Variants in AGAP1 observed in about 807,000 individuals in gnomAD.
AGAP1 encodes ArfGAP with GTPase domain, ankyrin repeat and PH domain 1.
AGAP1 carries 29 observed loss-of-function variants against 105.3 expected under a neutral mutation model. The observed-to-expected ratio is 0.28, with a 90% confidence interval of 0.21 to 0.38. AGAP1 has a LOEUF of 0.38. Among genes scored for constraint, AGAP1 ranks in the 10% least tolerant of loss-of-function variants. AGAP1 has a pLI of 1.00. For missense variants in AGAP1, 998 were observed against 1,165.1 expected (o/e 0.86, Z 2.09); for synonymous variants, 509 against 485.9 (o/e 1.05, Z -0.63).
At chr2:235,832,777 G>A (rs1354170569) in intron 9 of AGAP1, among the ~76,000 whole-genome samples, 1 of 152,194 alleles carries the variant, frequency 6.6e-6, no homozygotes, top group Admixed American at 6.5e-5. Context: ...GGAGTGAAGG[G>A]ATGTTCAAAC....
intron 6 of AGAP1, among the ~76,000 whole-genome samples, chr2:235,768,838 C>G (rs895622701): frequency 1.3e-5 from 2 of 152,142 alleles, no homozygotes; most frequent in Non-Finnish European, 2.9e-5. Context: ...GGGCCAGGCC[C>G]CAGTTTGGCC....
chr2:235,524,505 A>G, intron 1 of AGAP1: 1 of 346,100 alleles, frequency 2.9e-6, no homozygotes, highest in Non-Finnish European at 6.1e-6. Flanking sequence ...TTGCTGTGAG[A>G]AGACAGGCCA....
Position 235,728,114 on chromosome 2 carries a change from A to G in AGAP1, c.310+10470A>G, listed in dbSNP as rs10206889. Among the ~76,000 whole-genome samples, 330 of 152,294 alleles carry G rather than the reference A, an allele frequency of 2.2e-3. 1 individual carries two copies. Among genetic ancestry groups the G allele is most frequent in the African/African-American group, 7.7e-3 (322 of 41,568 alleles). ...CACTTCTCTGCCCATGGCAAATTCC[A>G]AGGGCCAGGACGATGGAGACAAGGG... On this transcript the variant is annotated intron_variant, in intron 3 of 17. Transcript: ENST00000304032. The surrounding 1 kb of genome is among the most constrained non-coding windows in gnomAD (Gnocchi z 4.3).
chr2:235,554,417 C>T (rs751648217), intron 1 of AGAP1, among the ~76,000 whole-genome samples: 13 of 152,186 alleles, frequency 8.5e-5, no homozygotes, highest in Non-Finnish European at 1.8e-4. Flanking sequence ...TGTGCCCGGG[C>T]ATTGATTTCC....
At chr2:235,873,764 G>A (rs2049561987) in intron 9 of AGAP1, among the ~76,000 whole-genome samples, 1 of 152,198 alleles carries the variant, frequency 6.6e-6, no homozygotes, top group African/African-American at 2.4e-5. Context: ...GTCTTACTTT[G>A]TCACCCAGAC....
Position 235,789,113 on chromosome 2 carries a change from C to T in AGAP1, c.674-8646C>T, listed in dbSNP as rs1419687159. 6.6e-6 allele frequency among the ~76,000 whole-genome samples: 1 copy of T among 152,212 alleles called. No homozygotes were observed. Among genetic ancestry groups the T allele is most frequent in the East Asian group, 1.9e-4 (1 of 5,190 alleles). The stretch of plus-strand genomic sequence containing the variant: ...CAGCGTGATTTGAAGTCCCCTTTAC[C>T]ACAAATAACTACTTTATACCAGAAT... On this transcript the variant is annotated intron_variant, in intron 6 of 17. Coordinates refer to ENST00000304032, the MANE Select transcript of AGAP1 (RefSeq NM_001037131.3). This position sits in a 1 kb window ranked among gnomAD's most constrained non-coding sequence, Gnocchi z 4.2.
intron 6 of AGAP1, among the ~76,000 whole-genome samples, chr2:235,766,001 G>C (rs1421906294): frequency 2.0e-5 from 3 of 152,128 alleles, no homozygotes; most frequent in Non-Finnish European, 4.4e-5. Context: ...TTGTCAGATA[G>C]AGTGTTTAGT....
chr2:235,661,448 G>A (rs1222561995), intron 1 of AGAP1, among the ~76,000 whole-genome samples: 1 of 151,876 alleles, frequency 6.6e-6, no homozygotes, highest in Non-Finnish European at 1.5e-5. Flanking sequence ...AGTCATGGCT[G>A]GAGGCCATCC....
intron 6 of AGAP1, among the ~76,000 whole-genome samples, chr2:235,757,729 G>A (rs542995373): frequency 2.0e-5 from 3 of 152,230 alleles, no homozygotes; most frequent in Admixed American, 6.5e-5. Context: ...AGGGAGCCTC[G>A]GTGTGCTCTT....
intron 1 of AGAP1, among the ~76,000 whole-genome samples, chr2:235,560,053 G>A (rs1188146526): frequency 6.6e-6 from 1 of 151,930 alleles, no homozygotes; most frequent in Non-Finnish European, 1.5e-5. Flanking sequence ...TTAAGAAATC[G>A]CTGCCTAATC....
At chr2:235,666,995 C>T (rs975982926) in intron 1 of AGAP1, among the ~76,000 whole-genome samples, 2 of 152,102 alleles carry the variant, frequency 1.3e-5, no homozygotes, top group Non-Finnish European at 2.9e-5. Context: ...TATCTTTCCA[C>T]GTTGCTGTTT....
Position 235,692,442 on chromosome 2 carries a change from C to A in AGAP1, c.164-16737C>A, listed in dbSNP as rs1949778578. 6.6e-6 allele frequency among the ~76,000 whole-genome samples: 1 copy of A among 152,162 alleles called. No individual in the cohort carries two copies. The highest frequency in any genetic ancestry group is 2.4e-5 in the African/African-American group (1 of 41,424). ...GAGGGGCACCAGCTAGAAAATGTGA[C>A]CCATGTTGCCAACTCCCAAAAGCCA... On this transcript the variant is annotated intron_variant, in intron 1 of 17. Transcript: ENST00000304032. This position sits in a 1 kb window ranked among gnomAD's most constrained non-coding sequence, Gnocchi z 5.8.
intron 6 of AGAP1, among the ~76,000 whole-genome samples, chr2:235,786,298 A>G (rs73996383): frequency 0.018 from 2,771 of 152,310 alleles, 75 homozygotes; most frequent in African/African-American, 0.064. Flanking sequence ...TAATTGTAGC[A>G]TTTGAAATGT....
chr2:235,928,823 A>G (rs947800741), intron 11 of AGAP1, among the ~76,000 whole-genome samples: 13 of 152,166 alleles, frequency 8.5e-5, no homozygotes, highest in African/African-American at 3.1e-4. Flanking sequence ...GAGGAGCATG[A>G]GTGCTCCCCT....
At chr2:235,890,617 G>A (rs562852133) in intron 10 of AGAP1, among the ~76,000 whole-genome samples, 7 of 152,316 alleles carry the variant, frequency 4.6e-5, no homozygotes, top group African/African-American at 1.7e-4. Flanking sequence ...AGGAGCTGGA[G>A]CACACCTGCA....
intron 10 of AGAP1, among the ~76,000 whole-genome samples, chr2:235,895,449 T>C (rs1337322955): frequency 2.0e-5 from 3 of 152,208 alleles, no homozygotes; most frequent in African/African-American, 7.2e-5. Context: ...ACAAATGCAG[T>C]TGCCTCTGTT....
chr2:235,515,974 C>G (rs560299604), intron 1 of AGAP1, among the ~76,000 whole-genome samples: 120 of 152,062 alleles, frequency 7.9e-4, no homozygotes, highest in Non-Finnish European at 1.4e-3. Flanking sequence ...GCCTCTGTAG[C>G]CCAGTCCTCC....
At chr2:235,579,957 G>A (rs1440591531) in intron 1 of AGAP1, among the ~76,000 whole-genome samples, 1 of 152,118 alleles carries the variant, frequency 6.6e-6, no homozygotes, top group Non-Finnish European at 1.5e-5. Flanking sequence ...TGTTTCTGTG[G>A]GTTTGCCCAT....
chr2:235,899,113 T>C (rs79506517), intron 10 of AGAP1, among the ~76,000 whole-genome samples: 3,505 of 152,266 alleles, frequency 0.023, 106 homozygotes, highest in African/African-American at 0.08. Context: ...GGGGAAAAAC[T>C]GAAGTGGGAG....
Sources: gnomAD v4.1 joint callset for allele counts (sites outside exome capture counted in the v4.1 genomes callset) on GRCh38, gnomAD v4.1.1 for gene constraint, Gnocchi (gnomAD v3.1) non-coding constraint, MANE v1.5 for transcripts, NCBI Gene and HGNC (gene_info 2026-07-23, HGNC 2026-07-21) for gene names.